The following COMT variants were observed in gnomAD, a reference collection of about 807,000 sequenced individuals.
COMT encodes catechol O-methyltransferase.
In COMT, 13 loss-of-function variants were observed where a neutral mutation model predicts 18.9. The ratio of observed to expected loss-of-function variants is 0.69; its 90% CI spans 0.45 to 1.09. The LOEUF is 1.09. COMT is among the 50% of genes least tolerant of loss of function. The probability of loss-of-function intolerance (pLI) is 0.00; values close to 1 mark genes in which losing one functional copy is unlikely to be tolerated. For synonymous variants in COMT, 150 were observed against 160.9 expected (o/e 0.93, Z 0.51); for missense variants, 329 against 361.8 (o/e 0.91, Z 0.73).
intron 3 of COMT, 95 bp from the exon 4 acceptor site, chr22:19,963,471 C>T (rs1942250648): frequency 1.4e-6 from 2 of 1,444,704 alleles, no homozygotes; most frequent in Admixed American, 3.7e-5. Flanking sequence ...GGAGGGGCTC[C>T]TGCTCTTTGG....
intron 1 of COMT, among the ~76,000 whole-genome samples, chr22:19,953,168 C>T (rs1382169326): frequency 1.3e-5 from 2 of 151,964 alleles, no homozygotes; most frequent in Non-Finnish European, 2.9e-5. Context: ...GGCCTGGGCG[C>T]TGGGGGTGGG....
chr22:19,966,430 C>A (rs1238931720), intron 5 of COMT, among the ~76,000 whole-genome samples: 3 of 96,568 alleles, frequency 3.1e-5, no homozygotes, highest in Admixed American at 2.2e-4. Context: ...GGAATGAGTT[C>A]CCCCTTAAAA....
rs529690481 is a variant in COMT at position 19,946,675 on chromosome 22, G to A, written c.-92+4778G>A. 1.8e-3 allele frequency among the ~76,000 whole-genome samples: 271 copies of A among 152,198 alleles called. 1 individual carries two copies. The highest frequency in any genetic ancestry group is 6.3e-3 in the African/African-American group (261 of 41,524). ...AAAATAGTGTAGTTAAATATCTAAT[G>A]AGAGATCATTACAAAATCAAACGAT... On this transcript the variant is annotated intron_variant, in intron 1 of 5. Transcript: ENST00000361682.
At chr22:19,944,242 A>C (rs1316902610) in intron 1 of COMT, among the ~76,000 whole-genome samples, 1 of 152,186 alleles carries the variant, frequency 6.6e-6, no homozygotes, top group African/African-American at 2.4e-5. Flanking sequence ...AGTGACAGGC[A>C]GATCATAAAA....
chr22:19,944,478 C>T (rs1021856970), intron 1 of COMT, among the ~76,000 whole-genome samples: 5 of 151,688 alleles, frequency 3.3e-5, no homozygotes, highest in Admixed American at 6.6e-5. Flanking sequence ...TGCAGTAAGC[C>T]GAGATCGCAC....
At chr22:19,964,948 TGGGC>T in intron 5 of COMT, 1 of 182,912 alleles carries the variant, frequency 5.5e-6, no homozygotes, top group Non-Finnish European at 1.2e-5. Context: ...GATCCTCCAC[TGGGC>T]TTGGGACACC....
At chr22:19,967,380 A>G (rs1216294519) in intron 5 of COMT, 1 of 481,884 alleles carries the variant, frequency 2.1e-6, no homozygotes. Flanking sequence ...TTTTCAGCTG[A>G]CATTGCTAGG....
At chr22:19,949,691 G>A (rs919824883) in intron 1 of COMT, among the ~76,000 whole-genome samples, 6 of 151,834 alleles carry the variant, frequency 4.0e-5, no homozygotes, top group East Asian at 1.9e-4. Flanking sequence ...TTGAACTCCC[G>A]GGCTCAAGTA....
intron 1 of COMT, among the ~76,000 whole-genome samples, chr22:19,950,615 T>TG (rs1216949407): frequency 1.3e-4 from 19 of 151,538 alleles, no homozygotes; most frequent in Non-Finnish European, 5.9e-5. Context: ...CCAGGGACCG[T>TG]GGGGAGTTGA....
rs1195792531 is a variant in COMT at position 19,963,657 on chromosome 22, C to T, written c.381C>T (p.Ala127=). 1.9e-6 allele frequency: 3 copies of T among 1,612,846 alleles called. No individual in the cohort carries two copies. The highest frequency in any genetic ancestry group is 2.2e-5 in the East Asian group (1 of 44,890). The change falls in exon 4 of 6, where the codon GCC becomes GCT. Residue 127 remains alanine, a synonymous_variant. Coordinates refer to ENST00000361682, the MANE Select transcript of COMT (RefSeq NM_000754.4). ...GTGGCTACTCAGCTGTGCGCATGGC[C>T]CGCCTGCTGTCACCAGGGGCGAGGC... is the stretch of plus-strand genomic sequence containing the variant. ...AYCGYSAVRM[A]RLLSPGARLI...
rs1942205335 is a variant in COMT at position 19,962,117 on chromosome 22, C to T, written c.1-410C>T. The T allele has an allele frequency of 1.0e-5, 3 of 299,508 alleles. No homozygotes were observed. In the South Asian group the frequency reaches 1.0e-4, roughly 10 times the overall value. The allele number at this position is 299,508 out of a possible 1,614,324, so 18.6% of individuals were successfully genotyped here. A position where few individuals can be genotyped will look rare whatever the true frequency, so the allele number is the denominator to read the frequency against. ...ACCATACAGCCTCTCCTTTGGCCAC[C>T]CGTGACTACCCCCAACTCCGGGCCA... On this transcript the variant is annotated intron_variant, in intron 2 of 5. Coordinates refer to ENST00000361682, the MANE Select transcript of COMT (RefSeq NM_000754.4).
intron 4 of COMT, chr22:19,963,964 T>A: frequency 8.3e-7 from 1 of 1,210,946 alleles, no homozygotes; most frequent in East Asian, 2.5e-5. Flanking sequence ...CTGGGTAAAC[T>A]GCCAAGGTGG....
chr22:19,960,047 C>G (rs865812290), intron 1 of COMT, among the ~76,000 whole-genome samples: 1 of 152,246 alleles, frequency 6.6e-6, no homozygotes, highest in Non-Finnish European at 1.5e-5. Context: ...GCCTCCTCCC[C>G]TCTGCTGCCT....
chr22:19,949,127 T>C (rs944575424), intron 1 of COMT, among the ~76,000 whole-genome samples: 7 of 152,126 alleles, frequency 4.6e-5, no homozygotes, highest in Admixed American at 4.6e-4. Context: ...GATAACTTTC[T>C]GTATCCATTC....
intron 3 of COMT, 156 bp downstream of exon 3, chr22:19,962,971 G>A (rs1942235149): frequency 2.1e-6 from 2 of 934,596 alleles, no homozygotes; most frequent in Non-Finnish European, 3.1e-6. Flanking sequence ...TGGAGTCCCA[G>A]GGTGCCAGGG....
intron 5 of COMT, chr22:19,967,541 C>A: frequency 2.6e-6 from 1 of 383,238 alleles, no homozygotes; most frequent in Non-Finnish European, 5.2e-6. Flanking sequence ...GCTTTCTCTG[C>A]AGCATACAGG....
chr22:19,952,953 A>AAAATAAATAAAT (rs368190455), intron 1 of COMT, among the ~76,000 whole-genome samples: 1 of 139,634 alleles, frequency 7.2e-6, no homozygotes, highest in Non-Finnish European at 1.5e-5. Context: ...CCCGTCTCAA[A>AAAATAAATAAAT]AAATAAATAA....
chr22:19,965,925 C>T (rs1048146776), intron 5 of COMT, among the ~76,000 whole-genome samples: 1 of 152,216 alleles, frequency 6.6e-6, no homozygotes, highest in Non-Finnish European at 1.5e-5. Flanking sequence ...TGGCAGAGAG[C>T]TGGCACTCAG....
chr22:19,947,468 G>A (rs1483994834), intron 1 of COMT, among the ~76,000 whole-genome samples: 1 of 152,212 alleles, frequency 6.6e-6, no homozygotes, highest in Non-Finnish European at 1.5e-5. Flanking sequence ...AGGGTAAGGA[G>A]TGTGAGCTAT....
Sources: gnomAD v4.1 joint callset for allele counts (sites outside exome capture counted in the v4.1 genomes callset) on GRCh38, gnomAD v4.1.1 for gene constraint, MANE v1.5 for transcripts, NCBI Gene and HGNC (gene_info 2026-07-23, HGNC 2026-07-21) for gene names.